HS6ST3: variants seen among roughly 807,000 people sequenced by gnomAD.
HS6ST3 encodes heparan sulfate 6-O-sulfotransferase 3.
Under a neutral mutation model 36.7 loss-of-function variants are expected in HS6ST3, and 12 were observed. That is an observed-to-expected ratio of 0.33 (90% CI 0.21 to 0.53). The LOEUF is 0.53. Among genes scored for constraint, HS6ST3 ranks in the 20% least tolerant of loss-of-function variants. HS6ST3 has a pLI of 0.95. For missense variants in HS6ST3, 584 were observed against 640.9 expected (o/e 0.91, Z 0.96); for synonymous variants, 240 against 257.5 (o/e 0.93, Z 0.65).
chr13:96,281,100 G>T (rs2054773847), intron 1 of HS6ST3, among the ~76,000 whole-genome samples: 1 of 152,028 alleles, frequency 6.6e-6, no homozygotes. Context: ...TCTGCCTCCT[G>T]GTTCAAGCGA....
intron 1 of HS6ST3, among the ~76,000 whole-genome samples, chr13:96,317,401 A>AATAT (rs1159536290): frequency 4.2e-4 from 51 of 120,322 alleles, no homozygotes; most frequent in Admixed American, 1.5e-3. Context: ...TATATCATGG[A>AATAT]ATATATATAT....
At chr13:96,372,323 G>A (rs958523306) in intron 1 of HS6ST3, among the ~76,000 whole-genome samples, 6 of 151,960 alleles carry the variant, frequency 3.9e-5, no homozygotes, top group African/African-American at 1.5e-4. Context: ...TTATAATAGG[G>A]CTTTTTTTGT....
intron 1 of HS6ST3, among the ~76,000 whole-genome samples, chr13:96,194,039 G>C (rs1444169132): frequency 6.6e-6 from 1 of 152,154 alleles, no homozygotes; most frequent in Non-Finnish European, 1.5e-5. Flanking sequence ...AAGCGTTTGT[G>C]ATCTGAGCTT....
chr13:96,487,766 A>G (rs1372029912), intron 1 of HS6ST3, among the ~76,000 whole-genome samples: 2 of 152,160 alleles, frequency 1.3e-5, no homozygotes, highest in Non-Finnish European at 2.9e-5. Context: ...CAGACCATTC[A>G]TATTTGGCTT....
chr13:96,799,756 A>C (rs550628062), intron 1 of HS6ST3, among the ~76,000 whole-genome samples: 1 of 149,704 alleles, frequency 6.7e-6, no homozygotes, highest in Non-Finnish European at 1.5e-5. Context: ...CATTGTGCAC[A>C]TGTACCCTAA....
Position 96,835,604 on chromosome 13 carries a change from G to GACAGACAC in HS6ST3, c.*2409_*2410insGACACACA, listed in dbSNP as rs1555326782. 4.0e-5 allele frequency: 6 copies of GACAGACAC among 148,556 alleles called. No individual in the cohort carries two copies. Among genetic ancestry groups the GACAGACAC allele is most frequent in the African/African-American group, 1.5e-4 (6 of 39,904 alleles). 9.2% of individuals were successfully genotyped at this position (148,556 alleles called of 1,614,324 possible). A position where few individuals can be genotyped will look rare whatever the true frequency, so the allele number is the denominator to read the frequency against. On this transcript the variant is annotated 3_prime_UTR_variant, in exon 2 of 2. Transcript: ENST00000376705. ...AAATTATCCTTCTGCCTGCCCCTGT[G>GACAGACAC]ACACACACACACACACACACACACA...
At chr13:96,761,397 T>C (rs1876968224) in intron 1 of HS6ST3, among the ~76,000 whole-genome samples, 1 of 152,182 alleles carries the variant, frequency 6.6e-6, no homozygotes, top group Non-Finnish European at 1.5e-5. Flanking sequence ...ACAGTTCTTA[T>C]CTTCGTTGTT....
chr13:96,352,889 G>A (rs772538503), intron 1 of HS6ST3, among the ~76,000 whole-genome samples: 1 of 152,044 alleles, frequency 6.6e-6, no homozygotes, highest in Non-Finnish European at 1.5e-5. Flanking sequence ...TCCCATTACA[G>A]GTGGGAATTG....
At chr13:96,397,331 T>A (rs950386036) in intron 1 of HS6ST3, among the ~76,000 whole-genome samples, 43 of 152,354 alleles carry the variant, frequency 2.8e-4, no homozygotes, top group Admixed American at 2.4e-3. Context: ...TGTCCTGTAA[T>A]GTTATTACTA....
chr13:96,530,715 C>T (rs1448049855), intron 1 of HS6ST3, among the ~76,000 whole-genome samples: 2 of 152,068 alleles, frequency 1.3e-5, no homozygotes, highest in Admixed American at 6.6e-5. Context: ...GAAATCTATT[C>T]CCTCCATTCT....
chr13:96,425,455 T>C (rs980225171), intron 1 of HS6ST3, among the ~76,000 whole-genome samples: 27 of 152,190 alleles, frequency 1.8e-4, no homozygotes, highest in Admixed American at 3.3e-4. Flanking sequence ...TACACAGGCT[T>C]CATTACTAAA....
rs1356588580 is a variant in HS6ST3 at position 96,675,398 on chromosome 13, C to G, written c.708-157092C>G. 3.3e-5 allele frequency among the ~76,000 whole-genome samples: 5 copies of G among 151,916 alleles called. No individual in the cohort carries two copies. The East Asian group carries it at 7.7e-4, about 23-fold the overall frequency. ...ATTTATGTCATATTTATATATGTCA[C>G]ATTTGTTTATATATGTGTGTTTGTC... On this transcript the variant is annotated intron_variant, in intron 1 of 1. Transcript: ENST00000376705.
chr13:96,533,808 T>C (rs1007076247), intron 1 of HS6ST3, among the ~76,000 whole-genome samples: 2 of 152,230 alleles, frequency 1.3e-5, no homozygotes, highest in Non-Finnish European at 2.9e-5. Context: ...ACCTCTGCTA[T>C]GGACAGATAA....
chr13:96,242,263 C>A (rs114351597), intron 1 of HS6ST3, among the ~76,000 whole-genome samples: 1,723 of 151,756 alleles, frequency 0.011, 36 homozygotes, highest in African/African-American at 0.04. Context: ...ACTCTGTCCC[C>A]CAAGGTAGAG....
chr13:96,708,112 G>A (rs116194263), intron 1 of HS6ST3, among the ~76,000 whole-genome samples: 2,287 of 152,292 alleles, frequency 0.015, 56 homozygotes, highest in African/African-American at 0.051. Context: ...CTGCAGAAAA[G>A]CACTAAGTGC....
chr13:96,686,793 A>G (rs1282432465), intron 1 of HS6ST3, among the ~76,000 whole-genome samples: 1 of 152,086 alleles, frequency 6.6e-6, no homozygotes, highest in Non-Finnish European at 1.5e-5. Context: ...GACTTAGAAG[A>G]TAACAGTACA....
intron 1 of HS6ST3, among the ~76,000 whole-genome samples, chr13:96,393,411 T>TA (rs34972870): frequency 6.6e-6 from 1 of 152,332 alleles, no homozygotes; most frequent in African/African-American, 2.4e-5. Context: ...TATAATAACT[T>TA]AAAAAGTGAA....
chr13:96,660,729 T>G (rs2056643376), intron 1 of HS6ST3, among the ~76,000 whole-genome samples: 1 of 152,096 alleles, frequency 6.6e-6, no homozygotes, highest in Non-Finnish European at 1.5e-5. Flanking sequence ...ACCATGATGG[T>G]TAATATTAAG....
intron 1 of HS6ST3, among the ~76,000 whole-genome samples, chr13:96,648,365 C>T (rs2056595931): frequency 6.6e-6 from 1 of 152,040 alleles, no homozygotes; most frequent in South Asian, 2.1e-4. Flanking sequence ...TCTTGAGTGC[C>T]TCTGGACCCA....
Sources: allele counts gnomAD v4.1 joint callset (sites outside exome capture counted in the v4.1 genomes callset), GRCh38; gene constraint gnomAD v4.1.1; transcripts MANE v1.5; gene names NCBI Gene and HGNC (gene_info 2026-07-23, HGNC 2026-07-21).